The following ABCA9 variants were observed in gnomAD, a reference collection of about 807,000 sequenced individuals.
ABCA9 encodes the protein ATP-binding cassette sub-family A member 9.
Under a neutral mutation model 205.3 loss-of-function variants are expected in ABCA9, and 183 were observed. That is an observed-to-expected ratio of 0.89 (90% CI 0.79 to 1.01). The LOEUF (loss-of-function observed/expected upper bound fraction) is 1.01. Ranked by LOEUF, ABCA9 falls within the 50% of genes least tolerant of loss-of-function variation. ABCA9 has a pLI of 0.00. For synonymous variants in ABCA9, 651 were observed against 683.3 expected, an observed-to-expected ratio of 0.95 and a Z score of 0.74; for missense variants, 1,805 against 1,912.4, an observed-to-expected ratio of 0.94 and a Z score of 1.05.
chr17:69,021,053 A>G (rs939437383), intron 18 of ABCA9, among the ~76,000 whole-genome samples: 2 of 152,180 alleles, frequency 1.3e-5, no homozygotes, highest in East Asian at 3.8e-4. Context: ...GGTGAAGCCT[A>G]GAGAAAATGA....
chr17:68,975,965 C>T lies in ABCA9; in HGVS notation c.4825G>A (p.Asp1609Asn). 1 of 1,613,744 alleles carries T rather than the reference C, an allele frequency of 6.2e-7. No individual in the cohort carries two copies. The highest frequency in any genetic ancestry group is 8.5e-7 in the Non-Finnish European group (1 of 1,179,878). The change falls in exon 39 of 39, where the codon GAC (aspartate) becomes AAC (asparagine). Residue 1609 changes from aspartate to asparagine, a missense_variant. Transcript: ENST00000340001. ...KEQELGDLEE[D>N]FDPSVKWKLL... Reference sequence around the variant, plus strand: ...TTCCACTTCACCGAGGGATCAAAGTCCTCTTCAAGATCACCCAGCTCCTGC... The same window carrying T: ...TTCCACTTCACCGAGGGATCAAAGTTCTCTTCAAGATCACCCAGCTCCTGC...
intron 37 of ABCA9, among the ~76,000 whole-genome samples, chr17:68,976,707 C>T (rs1313355185): frequency 6.6e-6 from 1 of 152,244 alleles, no homozygotes; most frequent in Non-Finnish European, 1.5e-5. Context: ...CAGGTCATTG[C>T]TTCCTCTCTT....
chr17:69,019,248 GCTT>G (rs1307856130), intron 19 of ABCA9, among the ~76,000 whole-genome samples: 2 of 151,888 alleles, frequency 1.3e-5, no homozygotes, highest in Non-Finnish European at 1.5e-5. Context: ...ACCCAATTAA[GCTT>G]CTTAACATTT....
intron 3 of ABCA9, among the ~76,000 whole-genome samples, chr17:69,047,359 C>A (rs2071752103): frequency 6.6e-6 from 1 of 150,688 alleles, no homozygotes; most frequent in Non-Finnish European, 1.5e-5. Context: ...AAGACATAGC[C>A]AAGACTGGGT....
intron 9 of ABCA9, chr17:69,032,601 T>A (rs1011043932): frequency 5.9e-6 from 1 of 170,326 alleles, no homozygotes; most frequent in East Asian, 1.6e-4. Context: ...ATGTGTCCTT[T>A]TTATTTTTTA....
intron 25 of ABCA9, among the ~76,000 whole-genome samples, chr17:69,002,762 G>C (rs1598354817): frequency 2.8e-5 from 4 of 142,614 alleles, no homozygotes; most frequent in East Asian, 2.0e-4. Flanking sequence ...AAGTCTCTTT[G>C]TAGGTCACTC....
At chr17:69,037,753 T>A (rs2071395451) in intron 6 of ABCA9, among the ~76,000 whole-genome samples, 1 of 151,166 alleles carries the variant, frequency 6.6e-6, no homozygotes, top group African/African-American at 2.4e-5. Flanking sequence ...TGAAAAACCC[T>A]GCAAAAAAAA....
the ABCA9 span, among the ~76,000 whole-genome samples, chr17:69,068,632 G>C: frequency 6.6e-6 from 1 of 152,028 alleles, no homozygotes; most frequent in African/African-American, 2.4e-5. Context: ...TCATGTGTAA[G>C]CATAAAATAG....
chr17:69,054,915 T>A (rs900616304), intron 1 of ABCA9, among the ~76,000 whole-genome samples: 1 of 152,024 alleles, frequency 6.6e-6, no homozygotes, highest in Non-Finnish European at 1.5e-5. Context: ...TTGCAAACTC[T>A]AAGGATTTAA....
chr17:69,046,902 TATATATATATAA>T (rs1567971316), intron 3 of ABCA9, among the ~76,000 whole-genome samples: 3 of 93,688 alleles, frequency 3.2e-5, no homozygotes, highest in African/African-American at 9.1e-5. Context: ...TATATATATA[TATATATATATAA>T]AATTTTATAT....
chr17:69,070,626 A>G, the ABCA9 span, among the ~76,000 whole-genome samples: 94 of 152,200 alleles, frequency 6.2e-4, no homozygotes, highest in Non-Finnish European at 1.2e-3. Context: ...GGGTGCCTAC[A>G]CCACCAGGGC....
rs1476581663 is a variant in ABCA9 at position 68,999,818 on chromosome 17, T to A, written c.3436-3804A>T. On this transcript the variant is annotated intron_variant, in intron 25 of 38. Transcript: ENST00000340001. ...TTCCTGACTTTTTAATGATTGCCATTCTAACTGGTGTGAGATGGTATCTCA... is the reference window on the plus strand; with the variant it reads ...TTCCTGACTTTTTAATGATTGCCATACTAACTGGTGTGAGATGGTATCTCA... Among the ~76,000 whole-genome samples, 8 of 151,768 alleles carry A rather than the reference T, an allele frequency of 5.3e-5. 1 individual carries two copies. The South Asian group carries it at 1.5e-3, about 28-fold the overall frequency.
chr17:69,040,257 G>A (rs140699268), intron 6 of ABCA9, among the ~76,000 whole-genome samples: 118 of 152,202 alleles, frequency 7.8e-4, no homozygotes, highest in African/African-American at 2.6e-3. Flanking sequence ...ACATGCACAC[G>A]TATATTTATT....
chr17:69,047,458 C>A (rs1402331577), intron 3 of ABCA9, among the ~76,000 whole-genome samples: 1 of 151,692 alleles, frequency 6.6e-6, no homozygotes, highest in East Asian at 1.9e-4. Context: ...AAAGAGAAAA[C>A]AAGTCCTTCC....
intron 25 of ABCA9, among the ~76,000 whole-genome samples, chr17:69,002,701 A>G (rs1282557388): frequency 1.4e-5 from 2 of 147,846 alleles, no homozygotes; most frequent in Non-Finnish European, 3.0e-5. Context: ...TGATCTGTCT[A>G]ATGTTGACAG....
chr17:69,071,002 C>G, the ABCA9 span, among the ~76,000 whole-genome samples: 1 of 152,218 alleles, frequency 6.6e-6, no homozygotes, highest in East Asian at 1.9e-4. Context: ...GAGCACAACA[C>G]AGCTCAGCAA....
At chr17:68,999,159 G>A (rs550756693) in intron 25 of ABCA9, among the ~76,000 whole-genome samples, 50 of 150,168 alleles carry the variant, frequency 3.3e-4, no homozygotes, top group African/African-American at 1.2e-3. Flanking sequence ...AAGTTTTAGG[G>A]TACATGTGCA....
Position 69,026,399 on chromosome 17 carries a change from ATTTCTT to A in ABCA9, c.2113_2118del (p.Lys705_Lys706del). The A allele has an allele frequency of 1.2e-6, 2 of 1,613,772 alleles. No individual in the cohort carries two copies. The highest frequency in any genetic ancestry group is 1.7e-6 in the Non-Finnish European group (2 of 1,179,762). On this transcript the variant is annotated inframe_deletion, in exon 16 of 39. Transcript: ENST00000340001. ...TACCTTAAATGGTAGCCTATGCCCC[ATTTCTT>A]CTTAAGGAACAGAGAAGAGCCTGCA...
chr17:69,067,771 AATTAC>A, the ABCA9 span, among the ~76,000 whole-genome samples: 1 of 152,210 alleles, frequency 6.6e-6, no homozygotes, highest in African/African-American at 2.4e-5. Flanking sequence ...CAACAATTAC[AATTAC>A]ATTACAAGTT....
Sources: gnomAD v4.1 joint callset for allele counts (sites outside exome capture counted in the v4.1 genomes callset) on GRCh38, gnomAD v4.1.1 for gene constraint, MANE v1.5 for transcripts, NCBI Gene and HGNC (gene_info 2026-07-23, HGNC 2026-07-21) for gene names.